CLIC5: variants seen among roughly 807,000 people sequenced by gnomAD.
CLIC5 encodes the protein chloride intracellular channel protein 5.
Under a neutral mutation model 24.7 loss-of-function variants are expected in CLIC5, and 20 were observed. The ratio of observed to expected loss-of-function variants is 0.81; its 90% CI spans 0.57 to 1.18. CLIC5 has a LOEUF of 1.18. CLIC5 is among the 50% of genes most tolerant of loss of function. The pLI is 0.00. For missense variants in CLIC5, 341 were observed against 326.1 expected, an observed-to-expected ratio of 1.05 and a Z score of -0.35; for synonymous variants, 159 against 135.6, an observed-to-expected ratio of 1.17 and a Z score of -1.20.
intron 4 of CLIC5, among the ~76,000 whole-genome samples, chr6:45,928,581 C>A (rs1763595793): frequency 6.6e-6 from 1 of 152,196 alleles, no homozygotes; most frequent in Non-Finnish European, 1.5e-5. Context: ...TATTGTACTT[C>A]TGTGGTCTGC....
At chr6:46,101,505 T>C in the CLIC5 span, among the ~76,000 whole-genome samples, 3 of 152,320 alleles carry the variant, frequency 2.0e-5, no homozygotes, top group South Asian at 4.1e-4. Flanking sequence ...AGAAAAGGGC[T>C]GAGAAAAGCA....
At chr6:46,068,251 A>C (rs983228566) in intron 1 of CLIC5, among the ~76,000 whole-genome samples, 3 of 152,104 alleles carry the variant, frequency 2.0e-5, no homozygotes, top group African/African-American at 7.2e-5. Context: ...GGCCTCAATA[A>C]CTGTAAGAGA....
At chr6:46,092,633 TTGTGTGTG>T in the CLIC5 span, among the ~76,000 whole-genome samples, 1 of 151,168 alleles carries the variant, frequency 6.6e-6, no homozygotes, top group East Asian at 1.9e-4. Flanking sequence ...TTATTCCCTT[TTGTGTGTG>T]TGTGTGTGTG....
At chr6:46,079,164 T>C (rs975410758) in intron 1 of CLIC5, among the ~76,000 whole-genome samples, 1 of 152,220 alleles carries the variant, frequency 6.6e-6, no homozygotes, top group Non-Finnish European at 1.5e-5. Flanking sequence ...GCATTAAACA[T>C]TAACACTGGT....
At chr6:45,948,168 A>C (rs1041944370) in intron 3 of CLIC5, among the ~76,000 whole-genome samples, 1 of 152,240 alleles carries the variant, frequency 6.6e-6, no homozygotes, top group Admixed American at 6.5e-5. Context: ...ACACAAAATG[A>C]AGGCTATAAA....
the CLIC5 span, among the ~76,000 whole-genome samples, chr6:46,086,724 C>A: frequency 6.6e-6 from 1 of 152,212 alleles, no homozygotes; most frequent in Admixed American, 6.5e-5. Flanking sequence ...AAAACCATTT[C>A]TAGTAGCTGG....
chr6:46,091,326 C>T, the CLIC5 span, among the ~76,000 whole-genome samples: 48 of 152,330 alleles, frequency 3.2e-4, no homozygotes, highest in South Asian at 9.1e-3. Flanking sequence ...TTACACTCCA[C>T]ATATAAGTGA....
At chr6:45,998,723 G>A (rs1299454318) in intron 1 of CLIC5, among the ~76,000 whole-genome samples, 1 of 152,102 alleles carries the variant, frequency 6.6e-6, no homozygotes, top group Non-Finnish European at 1.5e-5. Context: ...TCTCACTGAA[G>A]GCAGCTCCTC....
the CLIC5 span, among the ~76,000 whole-genome samples, chr6:46,123,730 CAA>C: frequency 0.31 from 47,576 of 151,860 alleles, 7,821 homozygotes; most frequent in Middle Eastern, 0.43. Flanking sequence ...GCAACTTCAG[CAA>C]AGTCTCAGGA....
intron 4 of CLIC5, among the ~76,000 whole-genome samples, chr6:45,931,654 G>GGTTT (rs1253611138): frequency 1.3e-5 from 2 of 152,104 alleles, no homozygotes; most frequent in Non-Finnish European, 2.9e-5. Flanking sequence ...GTTTCTTAGA[G>GGTTT]GTTTGTTTGT....
chr6:45,981,636 T>C (rs59981678), intron 1 of CLIC5, among the ~76,000 whole-genome samples: 41,013 of 152,128 alleles, frequency 0.27, 6,651 homozygotes, highest in Middle Eastern at 0.43. Context: ...AACCTTGCAC[T>C]TTCATATTGC....
chr6:45,887,898 G>GA (rs1314242924), intron 6 of CLIC5, among the ~76,000 whole-genome samples: 14 of 151,840 alleles, frequency 9.2e-5, no homozygotes, highest in African/African-American at 2.4e-5. Context: ...AAGAGAGAGA[G>GA]AAAAAAAGGA....
In CLIC5 at chr6:45,968,279, T is replaced by A. The variant is rs573189248; in HGVS notation, c.64-13035A>T. 2.0e-5 allele frequency among the ~76,000 whole-genome samples: 3 copies of A among 152,290 alleles called. No individual in the cohort carries two copies. In the East Asian group the frequency reaches 5.8e-4, roughly 29 times the overall value. ...TGCCAACTCTGAAAGCATTCACATT[T>A]AAGTATGAATTGTTGGTAACTGCTA... On this transcript the variant is annotated intron_variant, in intron 1 of 5. Transcript: ENST00000339561.
At chr6:46,118,935 C>G in the CLIC5 span, among the ~76,000 whole-genome samples, 3 of 151,966 alleles carry the variant, frequency 2.0e-5, no homozygotes, top group Non-Finnish European at 4.4e-5. Context: ...TGTGTAATCA[C>G]GATGTGGAAT....
intron 5 of CLIC5, chr6:45,913,673 C>T (rs1413536776): frequency 2.9e-6 from 2 of 688,396 alleles, no homozygotes; most frequent in Admixed American, 4.3e-5. Context: ...GATGACACTA[C>T]ATGCTGCAAA....
intron 1 of CLIC5, among the ~76,000 whole-genome samples, chr6:46,032,344 A>G (rs1030763602): frequency 1.3e-5 from 2 of 152,154 alleles, no homozygotes; most frequent in African/African-American, 4.8e-5. Flanking sequence ...TCCTCCAACA[A>G]TGGGAATTGC....
At chr6:45,982,570 C>T (rs972353340) in intron 1 of CLIC5, among the ~76,000 whole-genome samples, 1 of 152,048 alleles carries the variant, frequency 6.6e-6, no homozygotes, top group African/African-American at 2.4e-5. Flanking sequence ...CTATATTGAA[C>T]ACCGTAGGCA....
Position 45,949,269 on chromosome 6 carries a change from A to G in CLIC5, c.286T>C (p.Leu96=), listed in dbSNP as rs1488066668. 4 of 1,613,550 alleles carry G rather than the reference A, an allele frequency of 2.5e-6. No individual in the cohort carries two copies. Among genetic ancestry groups the G allele is most frequent in the Middle Eastern group, 1.7e-4 (1 of 6,056 alleles). Reference sequence around the variant, plus strand: ...ACAGATCCTTACTTTTCAGGGGTCAAGGTCTCCTCCAGGAACTCCTCGATC... The same window carrying G: ...ACAGATCCTTACTTTTCAGGGGTCAGGGTCTCCTCCAGGAACTCCTCGATC... ...NKIEEFLEET[L]TPEKYPKLAA... is the part of the protein sequence containing the mutation. The change falls in exon 3 of 6, where the codon TTG becomes CTG. Residue 96 remains leucine, a synonymous_variant. Coordinates refer to ENST00000339561, the MANE Select transcript of CLIC5 (RefSeq NM_016929.5).
chr6:46,123,687 T>C, the CLIC5 span, among the ~76,000 whole-genome samples: 1 of 152,110 alleles, frequency 6.6e-6, no homozygotes, highest in Non-Finnish European at 1.5e-5. Flanking sequence ...GAAAACCCCA[T>C]TGTCTCAGCC....
Sources: gnomAD v4.1 joint callset for allele counts (sites outside exome capture counted in the v4.1 genomes callset) on GRCh38, gnomAD v4.1.1 for gene constraint, MANE v1.5 for transcripts, NCBI Gene and HGNC (gene_info 2026-07-23, HGNC 2026-07-21) for gene names.